Variants in LHPP observed in about 807,000 individuals in gnomAD.
The protein encoded by LHPP is hLHPP.
In LHPP, 24 loss-of-function variants were observed where a neutral mutation model predicts 30.3. That is an observed-to-expected ratio of 0.79 (90% confidence interval 0.57 to 1.11). The LOEUF (loss-of-function observed/expected upper bound fraction) is 1.11. Among genes scored for constraint, LHPP ranks in the 50% most tolerant of loss-of-function variants. The probability of loss-of-function intolerance (pLI) is 0.00; values close to 1 mark genes in which losing one functional copy is unlikely to be tolerated. For synonymous variants in LHPP, 150 were observed against 157.1 expected (o/e 0.95, Z 0.34); for missense variants, 356 against 367.2 (o/e 0.97, Z 0.25).
intron 2 of LHPP, among the ~76,000 whole-genome samples, chr10:124,487,762 A>C (rs1311100753): frequency 6.6e-6 from 1 of 152,116 alleles, no homozygotes; most frequent in East Asian, 1.9e-4. Flanking sequence ...TTTTCAATTT[A>C]GAAAGGTCAA....
intron 5 of LHPP, among the ~76,000 whole-genome samples, chr10:124,513,676 G>A (rs1420170485): frequency 1.3e-5 from 2 of 150,090 alleles, no homozygotes; most frequent in East Asian, 2.0e-4. Flanking sequence ...GGCTGGTCTC[G>A]AACTCCTGAC....
intron 6 of LHPP, among the ~76,000 whole-genome samples, chr10:124,527,060 G>A (rs1013404876): frequency 2.0e-5 from 3 of 152,124 alleles, no homozygotes; most frequent in African/African-American, 4.8e-5. Flanking sequence ...GAGCCTGCCC[G>A]CCACAGAGCC....
chr10:124,539,084 G>A (rs1237206263), intron 6 of LHPP, among the ~76,000 whole-genome samples: 2 of 152,132 alleles, frequency 1.3e-5, no homozygotes, highest in South Asian at 2.1e-4. Flanking sequence ...TGAGAGAATC[G>A]GGTGATTTGA....
Position 124,501,572 on chromosome 10 carries a change from A to C in LHPP, c.624+3444A>C, listed in dbSNP as rs11245242. On this transcript the variant is annotated intron_variant, in intron 5 of 6. Transcript: ENST00000368842. Reference sequence around the variant, plus strand: ...AGCCGAGATCGTGCAACTGTGCTCCAGCCTGGGCGACAGAGCCAGACTCTG... The same window carrying C: ...AGCCGAGATCGTGCAACTGTGCTCCCGCCTGGGCGACAGAGCCAGACTCTG... 3.3e-4 allele frequency among the ~76,000 whole-genome samples: 50 copies of C among 149,354 alleles called. 1 individual carries two copies. The East Asian group carries it at 6.1e-3, about 18-fold the overall frequency.
At chr10:124,557,989 C>T (rs552948333) in intron 6 of LHPP, among the ~76,000 whole-genome samples, 20 of 152,270 alleles carry the variant, frequency 1.3e-4, no homozygotes, top group African/African-American at 2.9e-4. Flanking sequence ...CGTGACACTG[C>T]GCATGGTCAC....
chr10:124,497,702 G>T (rs1953767565), intron 4 of LHPP, among the ~76,000 whole-genome samples: 1 of 152,218 alleles, frequency 6.6e-6, no homozygotes, highest in South Asian at 2.1e-4. Context: ...GGGGGAGAAG[G>T]GATGAGAGGA....
intron 6 of LHPP, among the ~76,000 whole-genome samples, chr10:124,522,727 C>CCG (rs200511066): frequency 1.3e-5 from 2 of 148,984 alleles, no homozygotes; most frequent in East Asian, 2.0e-4. Flanking sequence ...GCCCACGCCC[C>CCG]CCCCCAAGCA....
At chr10:124,609,949 A>G (rs1949147244) in intron 6 of LHPP, among the ~76,000 whole-genome samples, 1 of 152,126 alleles carries the variant, frequency 6.6e-6, no homozygotes, top group South Asian at 2.1e-4. Flanking sequence ...AGCTGTGTGG[A>G]GCAGTGTGCC....
At chr10:124,557,409 G>T (rs1395511230) in intron 6 of LHPP, among the ~76,000 whole-genome samples, 1 of 152,230 alleles carries the variant, frequency 6.6e-6, no homozygotes, top group Admixed American at 6.5e-5. Context: ...ACCTGGGTGA[G>T]CTACAAACCA....
At chr10:124,500,665 C>T (rs191433127) in intron 5 of LHPP, among the ~76,000 whole-genome samples, 1 of 151,740 alleles carries the variant, frequency 6.6e-6, no homozygotes, top group Admixed American at 6.6e-5. Context: ...TATCATCATT[C>T]ATCAGGAAAT....
intron 6 of LHPP, among the ~76,000 whole-genome samples, chr10:124,584,750 A>G (rs1309953061): frequency 6.6e-6 from 1 of 152,182 alleles, no homozygotes; most frequent in Non-Finnish European, 1.5e-5. Context: ...TGCTCCATGA[A>G]CATGGGATGC....
intron 6 of LHPP, among the ~76,000 whole-genome samples, chr10:124,586,772 A>G (rs1386541308): frequency 1.2e-5 from 1 of 83,602 alleles, no homozygotes; most frequent in Non-Finnish European, 2.7e-5. Flanking sequence ...TTAATTACGC[A>G]AAAAAATTAT....
intron 6 of LHPP, among the ~76,000 whole-genome samples, chr10:124,543,661 C>G (rs1365019740): frequency 1.3e-5 from 2 of 152,216 alleles, no homozygotes; most frequent in Non-Finnish European, 2.9e-5. Context: ...TGGGGCCTGT[C>G]TGGGCCCAGC....
At chr10:124,491,226 C>T (rs573945933) in intron 3 of LHPP, among the ~76,000 whole-genome samples, 72 of 152,328 alleles carry the variant, frequency 4.7e-4, no homozygotes, top group African/African-American at 1.7e-3. Context: ...GGAGTGTCTA[C>T]CTCAGCATCT....
chr10:124,498,655 T>A, intron 5 of LHPP: 1 of 577,742 alleles, frequency 1.7e-6, no homozygotes, highest in Non-Finnish European at 3.1e-6. Context: ...TTTTCTTTTC[T>A]TTTTCTTTTT....
chr10:124,547,555 C>T (rs1375352038), intron 6 of LHPP, among the ~76,000 whole-genome samples: 1 of 152,230 alleles, frequency 6.6e-6, no homozygotes, highest in Non-Finnish European at 1.5e-5. Flanking sequence ...CCTGGGGCCT[C>T]CCTGGGGCCA....
intron 6 of LHPP, among the ~76,000 whole-genome samples, chr10:124,534,999 G>A (rs774765985): frequency 1.3e-5 from 2 of 152,194 alleles, no homozygotes; most frequent in Non-Finnish European, 2.9e-5. Context: ...GTTACAGCAC[G>A]CAGGCACCCG....
chr10:124,551,544 G>T (rs1404922498), intron 6 of LHPP, among the ~76,000 whole-genome samples: 2 of 152,182 alleles, frequency 1.3e-5, no homozygotes, highest in Non-Finnish European at 2.9e-5. Context: ...TGGTGCGTGG[G>T]GAGGTAAGGG....
At chr10:124,542,795 T>A (rs922425058) in intron 6 of LHPP, among the ~76,000 whole-genome samples, 1 of 152,144 alleles carries the variant, frequency 6.6e-6, no homozygotes, top group Non-Finnish European at 1.5e-5. Flanking sequence ...CCCTCTGCCC[T>A]CTCGCCTCCC....
Sources: allele counts gnomAD v4.1 joint callset (sites outside exome capture counted in the v4.1 genomes callset), GRCh38; gene constraint gnomAD v4.1.1; transcripts MANE v1.5; gene names NCBI Gene and HGNC (gene_info 2026-07-23, HGNC 2026-07-21).